The following CDYL2 variants were observed in gnomAD, a reference collection of about 807,000 sequenced individuals.
The protein encoded by CDYL2 is chromodomain Y-like protein 2.
In CDYL2, 23 loss-of-function variants were observed where a neutral mutation model predicts 49.4. The observed-to-expected ratio is 0.47, with a 90% CI of 0.34 to 0.66. CDYL2 has a LOEUF of 0.66. CDYL2 is among the 30% of genes least tolerant of loss of function. The pLI is 0.01. For synonymous variants in CDYL2, 360 were observed against 268.8 expected, an observed-to-expected ratio of 1.34 and a Z score of -3.32; for missense variants, 678 against 656.4, an observed-to-expected ratio of 1.03 and a Z score of -0.36.
At chr16:80,674,372 T>G (rs11150302) in intron 2 of CDYL2, among the ~76,000 whole-genome samples, 80,286 of 151,858 alleles carry the variant, frequency 0.53, 22,787 homozygotes, top group Middle Eastern at 0.74. Flanking sequence ...TGGCAAGCAG[T>G]AGGGAAACGG....
At chr16:80,726,587 TA>T (rs1480292159) in intron 1 of CDYL2, among the ~76,000 whole-genome samples, 4 of 152,214 alleles carry the variant, frequency 2.6e-5, no homozygotes, top group African/African-American at 9.7e-5. Context: ...AACTATTTGT[TA>T]GCTTAAACAC....
chr16:80,771,472 G>A (rs762923897), intron 1 of CDYL2, among the ~76,000 whole-genome samples: 2 of 152,246 alleles, frequency 1.3e-5, no homozygotes, highest in Non-Finnish European at 2.9e-5. Flanking sequence ...GGGAGGCCGA[G>A]GTAGGCGGAT....
At chr16:80,797,058 C>G (rs1421500191) in intron 1 of CDYL2, among the ~76,000 whole-genome samples, 1 of 152,056 alleles carries the variant, frequency 6.6e-6, no homozygotes, top group Non-Finnish European at 1.5e-5. Flanking sequence ...TCTCTTCTTC[C>G]ATCTCTAAAA....
At chr16:80,640,806 T>G (rs1415497159) in intron 2 of CDYL2, among the ~76,000 whole-genome samples, 2 of 152,074 alleles carry the variant, frequency 1.3e-5, no homozygotes, top group Admixed American at 1.3e-4. Flanking sequence ...GTAACTGGCA[T>G]AGTGAAGAAT....
At chr16:80,773,818 G>C (rs186865618) in intron 1 of CDYL2, among the ~76,000 whole-genome samples, 1 of 151,982 alleles carries the variant, frequency 6.6e-6, no homozygotes, top group Non-Finnish European at 1.5e-5. Flanking sequence ...ATATTTAGGA[G>C]CAATGGCAGG....
At chr16:80,620,122 T>C (rs1327303106) in intron 4 of CDYL2, among the ~76,000 whole-genome samples, 3 of 152,338 alleles carry the variant, frequency 2.0e-5, no homozygotes, top group Admixed American at 6.5e-5. Flanking sequence ...CCGTAGTGTC[T>C]AGAAATGACA....
At chr16:80,738,027 C>T (rs1259247666) in intron 1 of CDYL2, among the ~76,000 whole-genome samples, 1 of 151,208 alleles carries the variant, frequency 6.6e-6, no homozygotes, top group African/African-American at 2.4e-5. Flanking sequence ...TAGCCCCCAG[C>T]CCCCCGACAG....
intron 1 of CDYL2, among the ~76,000 whole-genome samples, chr16:80,706,152 T>C (rs962044449): frequency 6.6e-6 from 1 of 152,354 alleles, no homozygotes; most frequent in Admixed American, 6.5e-5. Flanking sequence ...AGTGACTACA[T>C]GCCAACATCA....
chr16:80,728,617 A>C (rs968211201), intron 1 of CDYL2, among the ~76,000 whole-genome samples: 2 of 151,886 alleles, frequency 1.3e-5, no homozygotes, highest in Non-Finnish European at 2.9e-5. Flanking sequence ...ATACTCCTCA[A>C]GAAGAGCAAC....
intron 1 of CDYL2, among the ~76,000 whole-genome samples, chr16:80,737,499 A>G (rs1162207018): frequency 6.6e-6 from 1 of 152,196 alleles, no homozygotes; most frequent in Non-Finnish European, 1.5e-5. Context: ...CCACTGTATT[A>G]AACTGTACCT....
At chr16:80,760,107 T>A (rs921515482) in intron 1 of CDYL2, among the ~76,000 whole-genome samples, 4 of 152,236 alleles carry the variant, frequency 2.6e-5, no homozygotes, top group African/African-American at 9.6e-5. Context: ...TGGTTTGCTA[T>A]AGGACTCCCT....
At chr16:80,743,407 C>A (rs1439483969) in intron 1 of CDYL2, among the ~76,000 whole-genome samples, 1 of 152,184 alleles carries the variant, frequency 6.6e-6, no homozygotes, top group Admixed American at 6.5e-5. Context: ...CAGTCTAAAT[C>A]TCAAGGAACC....
chr16:80,664,728 A>G (rs893394210), intron 2 of CDYL2, among the ~76,000 whole-genome samples: 1 of 152,204 alleles, frequency 6.6e-6, no homozygotes, highest in African/African-American at 2.4e-5. Context: ...TCTAGGTCTC[A>G]AGCCAGGACA....
intron 1 of CDYL2, among the ~76,000 whole-genome samples, chr16:80,778,317 A>G (rs368727832): frequency 4.6e-5 from 7 of 152,116 alleles, no homozygotes; most frequent in African/African-American, 1.7e-4. Flanking sequence ...AAATAAGAGT[A>G]GAAATATATA....
chr16:80,640,972 G>A (rs774368216), intron 2 of CDYL2, among the ~76,000 whole-genome samples: 1 of 152,104 alleles, frequency 6.6e-6, no homozygotes, highest in Non-Finnish European at 1.5e-5. Flanking sequence ...AGCCTCAAAA[G>A]GGCAAATCTA....
Position 80,684,689 on chromosome 16 carries a change from C to G in CDYL2, c.465G>C (p.Gly155=). The part of the protein sequence containing the change: ...QIMPLKKSQN[G]MENGDAGSEK... ...CAGAGCCGGCGTCCCCATTTTCCAT[C>G]CCGTTCTGAGACTTTTTCAGGGGCA... The change falls in exon 2 of 7, where the codon GGG becomes GGC. Residue 155 remains glycine (G), a synonymous_variant. Transcript: ENST00000570137. The G allele has an allele frequency of 1.9e-6, 3 of 1,614,210 alleles. No individual in the cohort carries two copies. The highest frequency in any genetic ancestry group is 2.5e-6 in the Non-Finnish European group (3 of 1,180,046).
intron 2 of CDYL2, among the ~76,000 whole-genome samples, chr16:80,646,068 C>G (rs1398438910): frequency 2.0e-5 from 3 of 151,202 alleles, no homozygotes; most frequent in Admixed American, 2.0e-4. Context: ...GTGCAGCACA[C>G]CAACATGGCG....
At chr16:80,729,468 A>G (rs1905260416) in intron 1 of CDYL2, among the ~76,000 whole-genome samples, 1 of 152,160 alleles carries the variant, frequency 6.6e-6, no homozygotes, top group South Asian at 2.1e-4. Context: ...TGAGTGACCT[A>G]CAAAGAGACT....
chr16:80,664,652 T>G (rs1458687663), intron 2 of CDYL2, among the ~76,000 whole-genome samples: 2 of 152,148 alleles, frequency 1.3e-5, no homozygotes, highest in Non-Finnish European at 2.9e-5. Flanking sequence ...CCAAATACAA[T>G]GTAGCTCTCT....
Sources: allele counts gnomAD v4.1 joint callset (sites outside exome capture counted in the v4.1 genomes callset), GRCh38; gene constraint gnomAD v4.1.1; transcripts MANE v1.5; gene names NCBI Gene and HGNC (gene_info 2026-07-23, HGNC 2026-07-21).